SLC25A26: variants seen among roughly 807,000 people sequenced by gnomAD.
The protein encoded by SLC25A26 is mitochondrial S-adenosylmethionine carrier protein.
Under a neutral mutation model 37.8 loss-of-function variants are expected in SLC25A26, and 36 were observed. The ratio of observed to expected loss-of-function variants is 0.95; its 90% CI spans 0.73 to 1.26. The LOEUF is 1.26. Among genes scored for constraint, SLC25A26 ranks in the 50% most tolerant of loss-of-function variants. The probability of loss-of-function intolerance (pLI) is 0.00; values close to 1 mark genes in which losing one functional copy is unlikely to be tolerated. For synonymous variants in SLC25A26, 129 were observed against 122.5 expected (o/e 1.05, Z -0.35); for missense variants, 390 against 331.1 (o/e 1.18, Z -1.38).
intron 5 of SLC25A26, among the ~76,000 whole-genome samples, chr3:66,280,924 A>T (rs374709868): frequency 3.8e-4 from 58 of 152,270 alleles, no homozygotes; most frequent in African/African-American, 1.2e-3. Context: ...ACACCCAAGA[A>T]ATTTAATATT....
chr3:66,319,709 A>G (rs2075639909), intron 5 of SLC25A26, among the ~76,000 whole-genome samples: 1 of 151,666 alleles, frequency 6.6e-6, no homozygotes, highest in Admixed American at 6.6e-5. Context: ...GGGGTCAGCT[A>G]AACTGAAATC....
intron 1 of SLC25A26, among the ~76,000 whole-genome samples, chr3:66,143,033 C>T (rs1443536519): frequency 1.3e-5 from 2 of 152,124 alleles, no homozygotes; most frequent in Non-Finnish European, 2.9e-5. Flanking sequence ...TCCCAAAGTG[C>T]TGAGATTAAG....
upstream of SLC25A26, among the ~76,000 whole-genome samples, chr3:66,220,206 T>C (rs2071431206): frequency 6.6e-6 from 1 of 152,204 alleles, no homozygotes; most frequent in African/African-American, 2.4e-5. Flanking sequence ...CAGGAGCCTC[T>C]GTAAAATGAG....
chr3:66,168,175 A>ATG (rs1164107532), intron 1 of SLC25A26, among the ~76,000 whole-genome samples: 4 of 59,232 alleles, frequency 6.8e-5, no homozygotes, highest in East Asian at 2.8e-4. Context: ...ATATATATAT[A>ATG]TGTGTGTGTG....
At chr3:66,345,617 C>A (rs1042700992) in intron 5 of SLC25A26, among the ~76,000 whole-genome samples, 1 of 151,678 alleles carries the variant, frequency 6.6e-6, no homozygotes, top group African/African-American at 2.4e-5. Flanking sequence ...CCCTTCTCTT[C>A]CTGCTCCCTC....
chr3:66,202,492 G>T (rs1229710026), intron 1 of SLC25A26, among the ~76,000 whole-genome samples: 1 of 140,410 alleles, frequency 7.1e-6, no homozygotes, highest in Non-Finnish European at 1.5e-5. Flanking sequence ...TAACAAACCT[G>T]CATATTCTAC....
intron 1 of SLC25A26, among the ~76,000 whole-genome samples, chr3:66,189,149 C>T (rs982428663): frequency 6.6e-6 from 1 of 151,986 alleles, no homozygotes; most frequent in African/African-American, 2.4e-5. Flanking sequence ...ATACACTGAC[C>T]CTTATTTGAC....
rs1398759512 is a variant in SLC25A26 at position 66,346,419 on chromosome 3, C to T, written c.498+11C>T. 7.0e-7 allele frequency: 1 copy of T among 1,426,434 alleles called. No homozygotes were observed. The highest frequency in any genetic ancestry group is 9.4e-7 in the Non-Finnish European group (1 of 1,060,970). 88.4% of individuals were successfully genotyped at this position (1,426,434 alleles called of 1,614,324 possible). On this transcript the variant is annotated intron_variant, in intron 6 of 9. Transcript: ENST00000354883. ...TGGGAGTCCTTAAAAGTAAGTTTCT[C>T]AGTCTTCACATAAAATTTGTCTCTA... is the stretch of plus-strand genomic sequence containing the variant.
intron 1 of SLC25A26, among the ~76,000 whole-genome samples, chr3:66,159,235 G>A (rs1336423748): frequency 6.6e-6 from 1 of 152,212 alleles, no homozygotes; most frequent in Non-Finnish European, 1.5e-5. Context: ...TGAAGGCCCT[G>A]TGCAAACCAG....
intron 1 of SLC25A26, among the ~76,000 whole-genome samples, chr3:66,213,275 C>A (rs1361639654): frequency 3.3e-5 from 5 of 151,776 alleles, no homozygotes; most frequent in Non-Finnish European, 7.4e-5. Context: ...TAGCCCATAC[C>A]TGTAATCCCA....
At position 66,195,191 on chromosome 3, in the gene SLC25A26, C is replaced by T. The variant is rs988513642; in HGVS notation, c.-353-25551C>T. Among the ~76,000 whole-genome samples the T allele has an allele frequency of 2.3e-3, 346 of 152,352 alleles. 6 individuals carry two copies. Among genetic ancestry groups the T allele is most frequent in the African/African-American group, 7.9e-3 (328 of 41,590 alleles). On this transcript the variant is annotated intron_variant, in intron 1 of 10. Transcript: ENST00000676754. Reference sequence around the variant, plus strand: ...TCTTGGCAAAGTTTTCAGAGAGTAGCCTCCGCCCCATACCCCCTACCCAGA... The same window carrying T: ...TCTTGGCAAAGTTTTCAGAGAGTAGTCTCCGCCCCATACCCCCTACCCAGA...
intron 5 of SLC25A26, among the ~76,000 whole-genome samples, chr3:66,299,168 A>G (rs181414463): frequency 6.6e-6 from 1 of 152,228 alleles, no homozygotes; most frequent in Admixed American, 6.5e-5. Context: ...ACCCATTTCC[A>G]TGTATGTATT....
upstream of SLC25A26, among the ~76,000 whole-genome samples, chr3:66,219,353 G>T (rs970395315): frequency 0.022 from 3,336 of 152,264 alleles, 121 homozygotes; most frequent in African/African-American, 0.077. Context: ...TTACCACCAT[G>T]ATTATGTTGT....
chr3:66,304,140 G>T (rs1019775227), intron 5 of SLC25A26, among the ~76,000 whole-genome samples: 2 of 152,176 alleles, frequency 1.3e-5, no homozygotes, highest in Non-Finnish European at 2.9e-5. Context: ...GATAAACTCA[G>T]AACCAACTGA....
chr3:66,196,670 A>T (rs1258417165), intron 1 of SLC25A26, among the ~76,000 whole-genome samples: 1 of 151,366 alleles, frequency 6.6e-6, no homozygotes, highest in Non-Finnish European at 1.5e-5. Context: ...ATCTATATCA[A>T]ATTAAATTAT....
intron 1 of SLC25A26, among the ~76,000 whole-genome samples, chr3:66,168,200 T>TACAC (rs562006470): frequency 1.1e-3 from 128 of 115,424 alleles, no homozygotes; most frequent in Middle Eastern, 4.4e-3. Flanking sequence ...TATATATATA[T>TACAC]ACACACACAC....
At chr3:66,262,406 GA>G (rs1308909062) in intron 4 of SLC25A26, among the ~76,000 whole-genome samples, 1 of 152,052 alleles carries the variant, frequency 6.6e-6, no homozygotes, top group East Asian at 1.9e-4. Flanking sequence ...AGTTCTTCTG[GA>G]ATCAGATGTG....
Position 66,211,194 on chromosome 3 carries a change from A to G in SLC25A26, c.-353-9548A>G, listed in dbSNP as rs890280459. Among the ~76,000 whole-genome samples, 1,409 of 152,322 alleles carry G rather than the reference A, an allele frequency of 9.3e-3. 19 individuals carry two copies. Among genetic ancestry groups the G allele is most frequent in the African/African-American group, 0.032 (1,318 of 41,562 alleles). ...GGGATTCACCTGGGGACAGTTCAAGAATATTGATGTTCGACCTGTAGCATT... is the reference window on the plus strand; with the variant it reads ...GGGATTCACCTGGGGACAGTTCAAGGATATTGATGTTCGACCTGTAGCATT... On this transcript the variant is annotated intron_variant, in intron 1 of 10. Coordinates refer to the SLC25A26 transcript ENST00000676754.
intron 1 of SLC25A26, among the ~76,000 whole-genome samples, chr3:66,198,178 G>C (rs1033227119): frequency 6.6e-6 from 1 of 152,076 alleles, no homozygotes. Flanking sequence ...GTCAGCTTCA[G>C]GATCACTGTC....
Sources: allele counts gnomAD v4.1 joint callset (sites outside exome capture counted in the v4.1 genomes callset), GRCh38; gene constraint gnomAD v4.1.1; transcripts MANE v1.5; gene names NCBI Gene and HGNC (gene_info 2026-07-23, HGNC 2026-07-21).